Variants in DPH7 observed in about 807,000 individuals in gnomAD.
DPH7 encodes the protein diphthamide biosynthesis 7.
In DPH7, 44 loss-of-function variants were observed where a neutral mutation model predicts 41.7. That is an observed-to-expected ratio of 1.05 (90% confidence interval 0.83 to 1.36). The LOEUF is 1.36. DPH7 is among the 40% of genes most tolerant of loss of function. The pLI, the probability that DPH7 is intolerant of heterozygous loss-of-function variation, is 0.00. For synonymous variants in DPH7, 275 were observed against 238.0 expected (o/e 1.16, Z -1.43); for missense variants, 629 against 577.5 (o/e 1.09, Z -0.91).
chr9:137,565,309 C>CTG (rs1491358461), intron 5 of DPH7, 155 bp from the exon 6 acceptor site: 1 of 162,824 alleles, frequency 6.1e-6, no homozygotes, highest in Non-Finnish European at 1.0e-5. Context: ...CCCTGGGTGA[C>CTG]TGTCTGTGAG....
At chr9:137,573,235 C>A (rs1392409178) in intron 5 of DPH7, among the ~76,000 whole-genome samples, 1 of 151,120 alleles carries the variant, frequency 6.6e-6, no homozygotes, top group Non-Finnish European at 1.5e-5. Context: ...GTGGCGGGCA[C>A]CTGTAGTCCC....
At chr9:137,557,579 G>A (rs1317956517) in intron 8 of DPH7, among the ~76,000 whole-genome samples, 1 of 152,022 alleles carries the variant, frequency 6.6e-6, no homozygotes, top group Non-Finnish European at 1.5e-5. Context: ...AGCACTTTGG[G>A]AGGCCGAGGC....
chr9:137,564,826 G>GGGCC, intron 7 of DPH7, 67 bp downstream of exon 7: 2 of 1,530,930 alleles, frequency 1.3e-6, no homozygotes, highest in Non-Finnish European at 1.8e-6. Context: ...GAGGGAAGAA[G>GGGCC]GGCCCAGGAG....
rs150467075 is a variant in DPH7, at chr9:137,565,093, G to A, written c.702C>T (p.Thr234=). 1.9e-6 allele frequency: 3 copies of A among 1,614,062 alleles called. No individual in the cohort carries two copies. The highest frequency in any genetic ancestry group is 1.1e-5 in the South Asian group (1 of 91,088). The change falls in exon 6 of 9, where the codon ACC becomes ACT. Residue 234 remains threonine, a synonymous_variant. Coordinates refer to ENST00000277540, the MANE Select transcript of DPH7 (RefSeq NM_138778.5). The stretch of plus-strand genomic sequence containing the variant: ...GGCCCTTGGGCAGTTACCTTTTGCT[G>A]GTGAAGAGAAATTTGCCGGGTACCC... The part of the protein sequence containing the change: ...DTRVPGKFLF[T]SKRHTMGVCS...
rs373555595 is a variant in DPH7, at chr9:137,565,150, G to A, written c.645C>T (p.Gly215=). The A allele has an allele frequency of 2.2e-5, 36 of 1,613,840 alleles. No homozygotes were observed. The highest frequency in any genetic ancestry group is 1.6e-4 in the East Asian group (7 of 44,900). The part of the protein sequence containing the change: ...YWHPEIVYSG[G]DDGLLRGWDT... ...CCCAGCCCCTCAGAAGGCCATCGTCGCCCCCTGTGTGGAGAAAGAGAAGCA... is the reference window on the plus strand; with the variant it reads ...CCCAGCCCCTCAGAAGGCCATCGTCACCCCCTGTGTGGAGAAAGAGAAGCA... The change falls in exon 6 of 9, where the codon GGC becomes GGT. Residue 215 remains glycine (G), a synonymous_variant. Coordinates refer to ENST00000277540, the MANE Select transcript of DPH7 (RefSeq NM_138778.5).
chr9:137,557,516 AT>A (rs1588779297), intron 8 of DPH7, among the ~76,000 whole-genome samples: 1 of 148,696 alleles, frequency 6.7e-6, no homozygotes, highest in African/African-American at 2.5e-5. Flanking sequence ...AAAAAAAAAA[AT>A]TGTTTAAATT....
intron 8 of DPH7, among the ~76,000 whole-genome samples, chr9:137,561,021 CAAAAAA>C (rs869251490): frequency 1.2e-4 from 10 of 80,682 alleles, no homozygotes; most frequent in African/African-American, 4.7e-4. Context: ...GACCCCATCT[CAAAAAA>C]AAAAAAAAAA....
chr9:137,574,074 A>G (rs1486860747), intron 5 of DPH7, 134 bp downstream of exon 5: 3 of 1,022,880 alleles, frequency 2.9e-6, no homozygotes, highest in Non-Finnish European at 4.3e-6. Context: ...CAAAAAAAAA[A>G]GTACACTTTC....
chr9:137,576,020 C>A (rs914867623), intron 3 of DPH7, 60 bp downstream of exon 3: 4 of 1,606,084 alleles, frequency 2.5e-6, no homozygotes, highest in Non-Finnish European at 3.4e-6. Flanking sequence ...GCACAGCCTC[C>A]TCCCCAACCC....
Position 137,578,627 on chromosome 9 carries a change from T to A in DPH7, c.151A>T (p.Lys51Ter), listed in dbSNP as rs1277271264. The part of the protein sequence containing the change: ...PEDRPAGPQN[K>*]GGMEVKEPQV... ...TCCCGAAGCCGCGGCGCGCGCACCT[T>A]GTTCTGGGGGCCGGCAGGCCGGTCC... Residue 51 changes from lysine to a stop codon, truncating the protein, a stop_gained and splice_region_variant, in exon 1 of 9, where the codon AAG becomes TAG. Coordinates refer to ENST00000277540, the MANE Select transcript of DPH7 (RefSeq NM_138778.5). LOFTEE classifies it high-confidence loss of function. The A allele has an allele frequency of 6.7e-7, 1 of 1,495,568 alleles. No homozygotes were observed. The highest frequency in any genetic ancestry group is 1.5e-5 in the African/African-American group (1 of 68,692). The allele number at this position is 1,495,568 out of a possible 1,614,324, so 92.6% of individuals were successfully genotyped here. A position where few individuals can be genotyped will look rare whatever the true frequency, so the allele number is the denominator to read the frequency against.
rs1266123162 is a variant in DPH7, at chr9:137,565,085, CT to C, written c.709del (p.Arg237AspfsTer36). ...CGAGTGCTGGCCCTTGGGCAGTTACCTTTTGCTGGTGAAGAGAAATTTGCCG... is the reference window on the plus strand; with the variant it reads ...CGAGTGCTGGCCCTTGGGCAGTTACCTTTGCTGGTGAAGAGAAATTTGCCG... ...VPGKFLFTSKRHTMGVCSIQS... is the reference protein window; with the variant it reads ...VPGKFLFTSKXHTMGVCSIQS... On this transcript the variant is annotated frameshift_variant and splice_region_variant, in exon 6 of 9. Coordinates refer to ENST00000277540, the MANE Select transcript of DPH7 (RefSeq NM_138778.5). LOFTEE classifies it high-confidence loss of function. The C allele has an allele frequency of 3.1e-6, 5 of 1,613,922 alleles. No homozygotes were observed. Among genetic ancestry groups the C allele is most frequent in the Non-Finnish European group, 4.2e-6 (5 of 1,180,016 alleles).
At chr9:137,575,851 T>C in intron 3 of DPH7, 1 of 1,355,824 alleles carries the variant, frequency 7.4e-7, no homozygotes, top group Non-Finnish European at 9.5e-7. Context: ...ATGAACATCC[T>C]GTCACTTCAG....
At chr9:137,568,280 T>G (rs78887541) in intron 5 of DPH7, among the ~76,000 whole-genome samples, 1,805 of 11,188 alleles carry the variant, frequency 0.16, 1 homozygote, top group Non-Finnish European at 0.19. Context: ...GAAGCTCCCC[T>G]GGGTGACTCT....
intron 5 of DPH7, among the ~76,000 whole-genome samples, chr9:137,571,502 T>A (rs968253306): frequency 2.6e-5 from 4 of 152,060 alleles, no homozygotes; most frequent in Admixed American, 2.0e-4. Context: ...ATAATTTTTT[T>A]AAGAAGGCTG....
rs773315177 is a variant in DPH7 at position 137,578,670 on chromosome 9, G to T, written c.108C>A (p.Tyr36Ter). The T allele has an allele frequency of 2.0e-6, 3 of 1,526,934 alleles. No homozygotes were observed. The highest frequency in any genetic ancestry group is 1.8e-6 in the Non-Finnish European group (2 of 1,139,076). 94.6% of individuals were successfully genotyped at this position (1,526,934 alleles called of 1,614,324 possible). Residue 36 changes from tyrosine (Y) to a stop codon, truncating the protein, a stop_gained, in exon 1 of 9, where the codon TAC becomes TAA. Transcript: ENST00000277540. LOFTEE classifies it high-confidence loss of function. ...GCCGGTCCTCCGGCCGCCGCAGCTGGTAGGTCCCGCACGCCAGCAGGTGCC... is the reference window on the plus strand; with the variant it reads ...GCCGGTCCTCCGGCCGCCGCAGCTGTTAGGTCCCGCACGCCAGCAGGTGCC... ...GCRHLLACGT[Y>*]QLRRPEDRPA...
Position 137,555,450 on chromosome 9 carries a change from T to G in DPH7, c.1148A>C (p.Asp383Ala). ...TCTGGCATGGCCCTCCCCATCGTTA[T>G]CCTCTCTGCATTCATGACAGGGTGT... Reference protein sequence around the residue: ...LPTPCHECREDNDGEGHARPQ... With the variant: ...LPTPCHECREANDGEGHARPQ... Residue 383 changes from aspartate to alanine, a missense_variant, in exon 9 of 9, where the codon GAT becomes GCT. Asp to Ala is a moderately radical substitution (Grantham distance 126, BLOSUM62 -2). Coordinates refer to ENST00000277540, the MANE Select transcript of DPH7 (RefSeq NM_138778.5). 6.2e-7 allele frequency: 1 copy of G among 1,614,092 alleles called. No individual in the cohort carries two copies. Among genetic ancestry groups the G allele is most frequent in the South Asian group, 1.1e-5 (1 of 91,082 alleles).
rs768613421 is a variant in DPH7 at position 137,555,500 on chromosome 9, G to A, written c.1098C>T (p.Asp366=). ...FPSNLGTKTA[D]LKGASELPTP... ...TTGGCAACTCGCTTGCACCCTTCAG[G>A]TCTGCCGTCTTGGTTCCTAGGTTGC... Residue 366 remains aspartate (D), a synonymous_variant, in exon 9 of 9, where the codon GAC becomes GAT. Transcript: ENST00000277540. 2 of 1,614,110 alleles carry A rather than the reference G, an allele frequency of 1.2e-6. No homozygotes were observed. The highest frequency in any genetic ancestry group is 4.5e-5 in the East Asian group (2 of 44,882).
rs1837541216 is a variant in DPH7 at position 137,556,597 on chromosome 9, G to T, written c.950-949C>A. 5.8e-6 allele frequency: 2 copies of T among 342,560 alleles called. No individual in the cohort carries two copies. The highest frequency in any genetic ancestry group is 1.2e-5 in the Non-Finnish European group (2 of 173,292). 21.2% of individuals were successfully genotyped at this position (342,560 alleles called of 1,614,324 possible). On this transcript the variant is annotated intron_variant, in intron 8 of 8. Coordinates refer to ENST00000277540, the MANE Select transcript of DPH7 (RefSeq NM_138778.5). This position sits in a 1 kb window ranked among gnomAD's most constrained non-coding sequence, Gnocchi z 5.2. ...ACCCTGGGCCCAGGGCTTCAACTGG[G>T]CAGAGGTGGCTCCGAGGAGGAGTGA...
intron 5 of DPH7, 152 bp downstream of exon 5, chr9:137,574,056 C>T: frequency 1.1e-6 from 1 of 877,010 alleles, no homozygotes; most frequent in South Asian, 1.7e-5. Context: ...AAGAGCAAGA[C>T]TCAGTTTCAA....
Sources: allele counts gnomAD v4.1 joint callset (sites outside exome capture counted in the v4.1 genomes callset), GRCh38; gene constraint gnomAD v4.1.1; non-coding constraint Gnocchi (gnomAD v3.1); transcripts MANE v1.5; gene names NCBI Gene and HGNC (gene_info 2026-07-23, HGNC 2026-07-21).